The following PLPP4 variants were observed in gnomAD, a reference collection of about 807,000 sequenced individuals.
PLPP4 encodes the protein phospholipid phosphatase 4.
A neutral mutation model predicts 32.2 loss-of-function variants in PLPP4; 20 were observed. That is an observed-to-expected ratio of 0.62 (90% confidence interval 0.44 to 0.90). The LOEUF is 0.90. PLPP4 is among the 40% of genes least tolerant of loss of function. PLPP4 has a pLI of 0.00. For missense variants in PLPP4, 257 were observed against 353.1 expected, an observed-to-expected ratio of 0.73 and a Z score of 2.18; for synonymous variants, 127 against 133.0, an observed-to-expected ratio of 0.95 and a Z score of 0.31.
intron 6 of PLPP4, among the ~76,000 whole-genome samples, chr10:120,582,764 T>TCCCTCCCA (rs1849570180): frequency 2.9e-5 from 1 of 34,416 alleles, no homozygotes; most frequent in Non-Finnish European, 5.6e-5. Flanking sequence ...CCTCCCTCCC[T>TCCCTCCCA]CCCTCCCTTC....
chr10:120,545,981 G>A (rs930609039), intron 5 of PLPP4, among the ~76,000 whole-genome samples: 1 of 152,172 alleles, frequency 6.6e-6, no homozygotes, highest in Non-Finnish European at 1.5e-5. Flanking sequence ...TCCTGTGCTA[G>A]ATGCTTCCTG....
At position 120,541,162 on chromosome 10, in the gene PLPP4, A is replaced by G. The variant is rs192981147; in HGVS notation, c.445+20067A>G. Among the ~76,000 whole-genome samples, 108 of 152,300 alleles carry G rather than the reference A, an allele frequency of 7.1e-4. 1 individual carries two copies. Among genetic ancestry groups the G allele is most frequent in the African/African-American group, 2.2e-3 (90 of 41,570 alleles). ...TTACTTCGTATTTAAGTATGTTTCTATATTGATGAGAGTAGAATTATTTTC... is the reference window on the plus strand; with the variant it reads ...TTACTTCGTATTTAAGTATGTTTCTGTATTGATGAGAGTAGAATTATTTTC... On this transcript the variant is annotated intron_variant, in intron 5 of 6. Transcript: ENST00000398250.
intron 1 of PLPP4, among the ~76,000 whole-genome samples, chr10:120,465,656 ACC>A (rs1848275422): frequency 6.6e-6 from 1 of 152,172 alleles, no homozygotes; most frequent in Admixed American, 6.5e-5. Context: ...GAGTGTTTTG[ACC>A]TATAAAACTG....
At chr10:120,464,156 A>G (rs565695868) in intron 1 of PLPP4, among the ~76,000 whole-genome samples, 3 of 152,314 alleles carry the variant, frequency 2.0e-5, no homozygotes, top group Non-Finnish European at 4.4e-5. Flanking sequence ...GAAAGTATTT[A>G]TCCATCTTCA....
chr10:120,538,614 T>C lies in PLPP4; in HGVS notation c.445+17519T>C, dbSNP rs551769639. Reference sequence around the variant, plus strand: ...GAGAGAAAACCCAGGCCCTTTCACATGGTCTTCAGGCCCTTCCAGGATCTG... The same window carrying C: ...GAGAGAAAACCCAGGCCCTTTCACACGGTCTTCAGGCCCTTCCAGGATCTG... On this transcript the variant is annotated intron_variant, in intron 5 of 6. Coordinates refer to ENST00000398250, the MANE Select transcript of PLPP4 (RefSeq NM_001030059.3). 3.9e-5 allele frequency among the ~76,000 whole-genome samples: 6 copies of C among 152,306 alleles called. No homozygotes were observed. In the South Asian group the frequency reaches 1.2e-3, roughly 32 times the overall value.
chr10:120,586,282 T>G (rs1232689961), intron 6 of PLPP4, among the ~76,000 whole-genome samples: 2 of 149,386 alleles, frequency 1.3e-5, no homozygotes, highest in African/African-American at 2.5e-5. Context: ...TTAAGGCACA[T>G]GCCAACACAC....
At chr10:120,524,075 T>C (rs1481836726) in intron 5 of PLPP4, among the ~76,000 whole-genome samples, 1 of 152,232 alleles carries the variant, frequency 6.6e-6, no homozygotes, top group Non-Finnish European at 1.5e-5. Context: ...ATTATATCCT[T>C]TGCTTATGAT....
chr10:120,475,160 C>A (rs1388347985), intron 1 of PLPP4, among the ~76,000 whole-genome samples: 1 of 151,986 alleles, frequency 6.6e-6, no homozygotes, highest in Non-Finnish European at 1.5e-5. Context: ...ACCAGATGGC[C>A]CCCAGCATGA....
At chr10:120,461,678 TA>T (rs1264093855) in intron 1 of PLPP4, among the ~76,000 whole-genome samples, 5 of 152,212 alleles carry the variant, frequency 3.3e-5, no homozygotes, top group Non-Finnish European at 7.3e-5. Flanking sequence ...TGGCCCCCAG[TA>T]CCTTACAGTC....
At chr10:120,536,430 C>T (rs1847021378) in intron 5 of PLPP4, among the ~76,000 whole-genome samples, 1 of 151,770 alleles carries the variant, frequency 6.6e-6, no homozygotes, top group South Asian at 2.1e-4. Context: ...AACAACACAC[C>T]AGAGGGAAAA....
At chr10:120,555,659 C>A (rs181282330) in intron 5 of PLPP4, among the ~76,000 whole-genome samples, 1 of 152,154 alleles carries the variant, frequency 6.6e-6, no homozygotes, top group Admixed American at 6.5e-5. Flanking sequence ...GTCTGCCTGG[C>A]GTAGTGCCTG....
At chr10:120,579,835 C>T (rs577757668) in intron 6 of PLPP4, among the ~76,000 whole-genome samples, 29 of 151,508 alleles carry the variant, frequency 1.9e-4, no homozygotes, top group African/African-American at 5.1e-4. Flanking sequence ...GGGCCGGGCG[C>T]GGTGGCTCAT....
intron 5 of PLPP4, among the ~76,000 whole-genome samples, chr10:120,565,972 C>A (rs577451186): frequency 6.6e-6 from 1 of 151,680 alleles, no homozygotes; most frequent in Non-Finnish European, 1.5e-5. Flanking sequence ...CTATTTAATC[C>A]GTCTACTGAG....
At position 120,589,454 on chromosome 10, in the gene PLPP4, C is replaced by T; in HGVS notation, c.768C>T (p.Asp256=). The T allele has an allele frequency of 6.2e-7, 1 of 1,614,096 alleles. No homozygotes were observed. Among genetic ancestry groups the T allele is most frequent in the Non-Finnish European group, 8.5e-7 (1 of 1,179,980 alleles). Reference sequence around the variant, plus strand: ...AGAAAGAGGAGAGGCCCACAGCTGACAGCGCACCCAGCTTGCCTCTGGAGG... The same window carrying T: ...AGAAAGAGGAGAGGCCCACAGCTGATAGCGCACCCAGCTTGCCTCTGGAGG... The part of the protein sequence containing the change: ...SLKKEERPTA[D]SAPSLPLEGI... Residue 256 remains aspartate (D), a synonymous_variant, in exon 7 of 7, where the codon GAC becomes GAT. Coordinates refer to ENST00000398250, the MANE Select transcript of PLPP4 (RefSeq NM_001030059.3).
At chr10:120,532,516 G>A (rs1473908983) in intron 5 of PLPP4, among the ~76,000 whole-genome samples, 1 of 151,976 alleles carries the variant, frequency 6.6e-6, no homozygotes, top group African/African-American at 2.4e-5. Flanking sequence ...TATGTTTTTA[G>A]TATATTGTCT....
chr10:120,505,127 T>C (rs749682258), intron 2 of PLPP4, among the ~76,000 whole-genome samples: 2 of 152,234 alleles, frequency 1.3e-5, no homozygotes, highest in Non-Finnish European at 2.9e-5. Context: ...GATGTCATTA[T>C]TGTCCACATT....
At chr10:120,500,993 T>C (rs1172264830) in intron 1 of PLPP4, among the ~76,000 whole-genome samples, 4 of 151,780 alleles carry the variant, frequency 2.6e-5, no homozygotes, top group Middle Eastern at 6.8e-3. Context: ...AATAGGAAGT[T>C]GAGGTAAGAG....
intron 1 of PLPP4, among the ~76,000 whole-genome samples, chr10:120,482,376 C>A (rs1282696979): frequency 6.6e-6 from 1 of 152,242 alleles, no homozygotes; most frequent in Non-Finnish European, 1.5e-5. Context: ...GGAACTGGAG[C>A]AAAGATGACT....
intron 4 of PLPP4, among the ~76,000 whole-genome samples, chr10:120,519,281 C>G (rs1420991768): frequency 6.6e-6 from 1 of 152,062 alleles, no homozygotes; most frequent in South Asian, 2.1e-4. Context: ...GGCATTTGAG[C>G]CTTGGCTTAT....
Sources: allele counts gnomAD v4.1 joint callset (sites outside exome capture counted in the v4.1 genomes callset), GRCh38; gene constraint gnomAD v4.1.1; transcripts MANE v1.5; gene names NCBI Gene and HGNC (gene_info 2026-07-23, HGNC 2026-07-21).